Variants in NTN1 observed in about 807,000 individuals in gnomAD.
NTN1 encodes netrin-1.
NTN1 carries 11 observed loss-of-function variants against 54.2 expected under a neutral mutation model. The observed-to-expected ratio is 0.20, with a 90% CI of 0.13 to 0.34. The LOEUF is 0.34. Among genes scored for constraint, NTN1 ranks in the 10% least tolerant of loss-of-function variants. The pLI, the probability that NTN1 is intolerant of heterozygous loss-of-function variation, is 1.00. For missense variants in NTN1, 740 were observed against 893.1 expected (o/e 0.83, Z 2.18); for synonymous variants, 371 against 382.0 (o/e 0.97, Z 0.33).
chr17:9,165,747 C>T lies in NTN1; in HGVS notation c.1207+2746C>T, dbSNP rs2092371435. Among the ~76,000 whole-genome samples, 1 of 152,148 alleles carries T rather than the reference C, an allele frequency of 6.6e-6. No individual in the cohort carries two copies. Among genetic ancestry groups the T allele is most frequent in the South Asian group, 2.1e-4 (1 of 4,820 alleles). ...AGACAGTGCTTCAAGGAACTTGTCA[C>T]CTGATTGGTGACAGAAGACTACACT... On this transcript the variant is annotated intron_variant, in intron 3 of 6. Coordinates refer to ENST00000173229, the MANE Select transcript of NTN1 (RefSeq NM_004822.3). This position sits in a 1 kb window ranked among gnomAD's most constrained non-coding sequence, Gnocchi z 4.5.
intron 2 of NTN1, among the ~76,000 whole-genome samples, chr17:9,120,823 C>A (rs765901527): frequency 7.2e-5 from 11 of 152,170 alleles, no homozygotes; most frequent in Non-Finnish European, 1.3e-4. Context: ...TGCTTGCTAC[C>A]CAGGTGGCCA....
chr17:9,223,436 C>T (rs1905431553), intron 6 of NTN1, among the ~76,000 whole-genome samples: 1 of 152,140 alleles, frequency 6.6e-6, no homozygotes, highest in Admixed American at 6.5e-5. Flanking sequence ...CCTGTAATCT[C>T]AGCTACTCGG....
chr17:9,059,298 C>T (rs572237954), intron 2 of NTN1, among the ~76,000 whole-genome samples: 4 of 152,250 alleles, frequency 2.6e-5, no homozygotes, highest in African/African-American at 9.6e-5. Flanking sequence ...CAATGCCTCT[C>T]CTAGGTATTT....
At chr17:9,163,641 A>G (rs1357681958) in intron 3 of NTN1, among the ~76,000 whole-genome samples, 1 of 152,150 alleles carries the variant, frequency 6.6e-6, no homozygotes, top group Admixed American at 6.5e-5. Flanking sequence ...ACGGGAGACT[A>G]TTTTCGTCCA....
At chr17:9,238,325 C>A (rs1906063240) in intron 6 of NTN1, among the ~76,000 whole-genome samples, 1 of 152,112 alleles carries the variant, frequency 6.6e-6, no homozygotes, top group Non-Finnish European at 1.5e-5. Flanking sequence ...CTCAGGAGGG[C>A]TCAAGTCTAC....
chr17:9,140,506 G>A (rs1263967132), intron 2 of NTN1, among the ~76,000 whole-genome samples: 1 of 152,220 alleles, frequency 6.6e-6, no homozygotes, highest in Admixed American at 6.5e-5. Context: ...AAGCACCAGA[G>A]CCAGATGTGT....
chr17:9,145,916 CAAAAA>C lies in NTN1; in HGVS notation c.1019-16878_1019-16874del, dbSNP rs60504172. On this transcript the variant is annotated intron_variant, in intron 2 of 6. Coordinates refer to ENST00000173229, the MANE Select transcript of NTN1 (RefSeq NM_004822.3). Reference sequence around the variant, plus strand: ...TGGGCGACAGAGCAAGACTCCATCTCAAAAAAAAAAAAAAAAAAAAAAAGTGTGGG... The same window carrying C: ...TGGGCGACAGAGCAAGACTCCATCTCAAAAAAAAAAAAAAAAAAGTGTGGG... Among the ~76,000 whole-genome samples, 374 of 88,980 alleles carry C rather than the reference CAAAAA, an allele frequency of 4.2e-3. 3 individuals are homozygous for C. Among genetic ancestry groups the C allele is most frequent in the Middle Eastern group, 0.02 (3 of 148 alleles). 58.4% of individuals were successfully genotyped at this position (88,980 alleles called of 152,430 possible). A position where few individuals can be genotyped will look rare whatever the true frequency, so the allele number is the denominator to read the frequency against.
chr17:9,222,527 G>A (rs541317609), intron 6 of NTN1, among the ~76,000 whole-genome samples: 3 of 152,322 alleles, frequency 2.0e-5, no homozygotes, highest in South Asian at 4.1e-4. Context: ...GACAGAGCAC[G>A]GGTGCCTAAC....
chr17:9,224,577 C>T (rs924170227), intron 6 of NTN1, among the ~76,000 whole-genome samples: 9 of 152,216 alleles, frequency 5.9e-5, no homozygotes, highest in Non-Finnish European at 1.0e-4. Context: ...GTTACCCAGC[C>T]AGGGAGTGGC....
At chr17:9,105,511 T>C (rs1291109638) in intron 2 of NTN1, among the ~76,000 whole-genome samples, 1 of 152,156 alleles carries the variant, frequency 6.6e-6, no homozygotes, top group Non-Finnish European at 1.5e-5. Flanking sequence ...TTGTTATAAA[T>C]CTGTCAAAAC....
chr17:9,070,881 C>T (rs897674190), intron 2 of NTN1, among the ~76,000 whole-genome samples: 5 of 152,322 alleles, frequency 3.3e-5, no homozygotes, highest in African/African-American at 1.2e-4. Context: ...CATGAGCCAC[C>T]GCACCCGGTC....
At chr17:9,142,652 A>C (rs927739845) in intron 2 of NTN1, among the ~76,000 whole-genome samples, 5 of 152,172 alleles carry the variant, frequency 3.3e-5, no homozygotes, top group African/African-American at 1.2e-4. Flanking sequence ...TTATTCATTC[A>C]TGGACTTAAT....
chr17:9,011,483 A>G, the NTN1 span, among the ~76,000 whole-genome samples: 1 of 152,222 alleles, frequency 6.6e-6, no homozygotes, highest in Non-Finnish European at 1.5e-5. Flanking sequence ...CCGATATGCC[A>G]TAACAATTTC....
intron 2 of NTN1, among the ~76,000 whole-genome samples, chr17:9,130,615 C>G (rs548719732): frequency 1.3e-5 from 2 of 152,128 alleles, no homozygotes; most frequent in African/African-American, 4.8e-5. Flanking sequence ...TGCCCTCACT[C>G]GGGGTTTCTT....
At chr17:9,018,059 G>C (rs1313649928), upstream of NTN1, among the ~76,000 whole-genome samples, 1 of 152,178 alleles carries the variant, frequency 6.6e-6, no homozygotes, top group Non-Finnish European at 1.5e-5. Flanking sequence ...GCCACCTGCA[G>C]ACTTAACAGA....
the NTN1 span, among the ~76,000 whole-genome samples, chr17:9,012,663 C>A: frequency 6.6e-6 from 1 of 152,152 alleles, no homozygotes; most frequent in Non-Finnish European, 1.5e-5. Context: ...TTCTGCTCTA[C>A]TGGATCCTTC....
At chr17:9,229,466 C>T (rs1024257376) in intron 6 of NTN1, among the ~76,000 whole-genome samples, 34 of 152,080 alleles carry the variant, frequency 2.2e-4, no homozygotes, top group Non-Finnish European at 4.0e-4. Context: ...ATACTCTGCG[C>T]GGGATTAGGT....
chr17:9,012,545 A>AAAC, the NTN1 span, among the ~76,000 whole-genome samples: 1 of 151,514 alleles, frequency 6.6e-6, no homozygotes, highest in Admixed American at 6.6e-5. Context: ...ACAAAAAAAA[A>AAAC]AAAACAAGCT....
At chr17:9,126,125 A>T (rs2092246319) in intron 2 of NTN1, among the ~76,000 whole-genome samples, 1 of 152,232 alleles carries the variant, frequency 6.6e-6, no homozygotes, top group African/African-American at 2.4e-5. Flanking sequence ...AGAATTAGAG[A>T]ACAACATAGC....
Sources: gnomAD v4.1 joint callset for allele counts (sites outside exome capture counted in the v4.1 genomes callset) on GRCh38, gnomAD v4.1.1 for gene constraint, Gnocchi (gnomAD v3.1) non-coding constraint, MANE v1.5 for transcripts, NCBI Gene and HGNC (gene_info 2026-07-23, HGNC 2026-07-21) for gene names.